The following ABCG2 variants were observed in gnomAD, a reference collection of about 807,000 sequenced individuals.
ABCG2 encodes broad substrate specificity ATP-binding cassette transporter ABCG2.
ABCG2 carries 80 observed loss-of-function variants against 73.5 expected under a neutral mutation model. The observed-to-expected ratio is 1.09, with a 90% CI of 0.91 to 1.31. The LOEUF (loss-of-function observed/expected upper bound fraction) is 1.31. ABCG2 is among the 50% of genes most tolerant of loss of function. ABCG2 has a pLI of 0.00. For missense variants in ABCG2, 796 were observed against 786.2 expected (o/e 1.01, Z -0.15); for synonymous variants, 269 against 282.4 (o/e 0.95, Z 0.48).
At chr4:88,166,240 T>C (rs1727513424) in intron 1 of ABCG2, among the ~76,000 whole-genome samples, 3 of 152,336 alleles carry the variant, frequency 2.0e-5, no homozygotes, top group East Asian at 3.9e-4. Context: ...AAGGAGACTT[T>C]ACTGCCAGGA....
rs778595878 is a variant in ABCG2 at position 88,131,060 on chromosome 4, C to T, written c.531+1G>A. 4 of 1,613,874 alleles carry T rather than the reference C, an allele frequency of 2.5e-6. No homozygotes were observed. The highest frequency in any genetic ancestry group is 3.4e-6 in the Non-Finnish European group (4 of 1,179,942). Reference sequence around the variant, plus strand: ...TGATGCTTTCAGTTTTTCCACATTACCTTGGAGTCTGCCACTTTATCCAGA... The same window carrying T: ...TGATGCTTTCAGTTTTTCCACATTATCTTGGAGTCTGCCACTTTATCCAGA... On this transcript the variant is annotated splice_donor_variant, in intron 5 of 15. Coordinates refer to ENST00000237612, the MANE Select transcript of ABCG2 (RefSeq NM_004827.3). LOFTEE classifies it high-confidence loss of function.
intron 1 of ABCG2, among the ~76,000 whole-genome samples, chr4:88,225,133 A>C (rs1224253474): frequency 6.6e-6 from 1 of 152,216 alleles, no homozygotes; most frequent in East Asian, 1.9e-4. Context: ...GCAAGTTCAA[A>C]GAGTTACAGC....
At chr4:88,230,312 T>TATATATATATATATATATAGA (rs57932850) in intron 1 of ABCG2, among the ~76,000 whole-genome samples, 1 of 116,432 alleles carries the variant, frequency 8.6e-6, no homozygotes, top group African/African-American at 3.6e-5. Context: ...TATATATTTT[T>TATATATATATATATATATAGA]TTTTTTGGCC....
intron 1 of ABCG2, among the ~76,000 whole-genome samples, chr4:88,221,785 A>G (rs550228163): frequency 2.6e-5 from 4 of 152,296 alleles, no homozygotes; most frequent in African/African-American, 7.2e-5. Flanking sequence ...GCAGCAAAGC[A>G]TTCAAGAGGA....
At chr4:88,094,466 C>T (rs973623155) in intron 15 of ABCG2, 111 bp downstream of exon 15, 7 of 869,410 alleles carry the variant, frequency 8.1e-6, no homozygotes, top group South Asian at 1.7e-5. Context: ...AACGTAGGCT[C>T]GGAAAAATTC....
chr4:88,168,648 A>G (rs1305761875), intron 1 of ABCG2, among the ~76,000 whole-genome samples: 1 of 152,220 alleles, frequency 6.6e-6, no homozygotes, highest in Non-Finnish European at 1.5e-5. Flanking sequence ...AGATTAAGCT[A>G]AAAGGTTAAA....
intron 1 of ABCG2, among the ~76,000 whole-genome samples, chr4:88,145,995 T>C (rs1725971261): frequency 6.6e-6 from 1 of 151,788 alleles, no homozygotes; most frequent in South Asian, 2.1e-4. Flanking sequence ...GAGAGGCAAG[T>C]GTGGAAGCAA....
chr4:88,104,237 G>A (rs1356323511), intron 10 of ABCG2, among the ~76,000 whole-genome samples: 3 of 152,136 alleles, frequency 2.0e-5, no homozygotes, highest in Non-Finnish European at 2.9e-5. Context: ...TCAGTTACAC[G>A]GGTTAGAGAA....
chr4:88,153,572 C>G (rs1726696550), intron 1 of ABCG2, among the ~76,000 whole-genome samples: 2 of 149,900 alleles, frequency 1.3e-5, no homozygotes, highest in Admixed American at 6.8e-5. Context: ...CACTGAATAC[C>G]AAGAGCCCGA....
chr4:88,140,015 C>A lies in ABCG2; in HGVS notation c.-19-1G>T, dbSNP rs4148151. On this transcript the variant is annotated splice_acceptor_variant, in intron 1 of 15. Transcript: ENST00000237612. LOFTEE classifies it low-confidence loss of function (5UTR_SPLICE). ...AGACATCTGGAGAGTTTTTATCTTT[C>A]TGCAGACAGAAAAGCAATAGTAAGT... is the stretch of plus-strand genomic sequence containing the variant. 3 of 1,610,074 alleles carry A rather than the reference C, an allele frequency of 1.9e-6. No homozygotes were observed. In the East Asian group the frequency reaches 6.7e-5, roughly 36 times the overall value.
intron 1 of ABCG2, among the ~76,000 whole-genome samples, chr4:88,147,650 T>A (rs190636080): frequency 4.6e-5 from 7 of 152,294 alleles, no homozygotes; most frequent in Admixed American, 3.3e-4. Flanking sequence ...ATTAAATCAA[T>A]GTGTCACACT....
chr4:88,107,002 A>C (rs1722812212), intron 10 of ABCG2, among the ~76,000 whole-genome samples, 182 bp downstream of exon 10: 1 of 152,220 alleles, frequency 6.6e-6, no homozygotes, highest in Admixed American at 6.5e-5. Context: ...AGATCGCGTC[A>C]CTGCACTCCA....
intron 11 of ABCG2, 67 bp downstream of exon 11, chr4:88,101,163 T>G: frequency 1.4e-6 from 2 of 1,385,600 alleles, no homozygotes; most frequent in Non-Finnish European, 2.0e-6. Flanking sequence ...CAACCCCAGA[T>G]GTAATCAGTC....
At chr4:88,190,074 G>A (rs1342099045) in intron 1 of ABCG2, among the ~76,000 whole-genome samples, 1 of 152,146 alleles carries the variant, frequency 6.6e-6, no homozygotes, top group Non-Finnish European at 1.5e-5. Context: ...GGTGATTTGA[G>A]GTAAATATGC....
Position 88,099,443 on chromosome 4 carries a change from T to A in ABCG2, c.1373A>T (p.Glu458Val). The change falls in exon 12 of 16, where the codon GAA becomes GTA. Residue 458 changes from glutamate (E) to valine (V), a missense_variant. Glu to Val is a moderately radical substitution (Grantham distance 121, BLOSUM62 -2). Transcript: ENST00000237612. ...FVVEKKLFIH[E>V]YISGYYRVSS... is the part of the protein sequence containing the mutation. Reference sequence around the variant, plus strand: ...CACTCTGTAGTATCCGCTGATGTATTCATGTCTATAGAACAAAAATACGTA... The same window carrying A: ...CACTCTGTAGTATCCGCTGATGTATACATGTCTATAGAACAAAAATACGTA... The A allele has an allele frequency of 6.2e-7, 1 of 1,602,086 alleles. No individual in the cohort carries two copies. Among genetic ancestry groups the A allele is most frequent in the Non-Finnish European group, 8.5e-7 (1 of 1,176,092 alleles).
At chr4:88,218,050 C>G (rs1478726600) in intron 1 of ABCG2, among the ~76,000 whole-genome samples, 2 of 151,896 alleles carry the variant, frequency 1.3e-5, no homozygotes, top group Admixed American at 6.6e-5. Context: ...ACTGGTCTCC[C>G]AGGTGTTTCT....
intron 1 of ABCG2, among the ~76,000 whole-genome samples, chr4:88,181,254 G>C (rs1168536244): frequency 6.6e-6 from 1 of 151,814 alleles, no homozygotes; most frequent in African/African-American, 2.4e-5. Flanking sequence ...ACAAAAACTA[G>C]ACGAGCATGG....
chr4:88,197,289 A>G (rs1252508410), intron 1 of ABCG2, among the ~76,000 whole-genome samples: 1 of 152,114 alleles, frequency 6.6e-6, no homozygotes, highest in East Asian at 1.9e-4. Context: ...GGAAGGGTAG[A>G]ATTATCAGAG....
chr4:88,095,896 C>G (rs1721952238), intron 13 of ABCG2, among the ~76,000 whole-genome samples: 1 of 152,126 alleles, frequency 6.6e-6, no homozygotes, highest in Non-Finnish European at 1.5e-5. Flanking sequence ...AGACTATGTA[C>G]TCAACTTTAT....
Sources: allele counts gnomAD v4.1 joint callset (sites outside exome capture counted in the v4.1 genomes callset), GRCh38; gene constraint gnomAD v4.1.1; transcripts MANE v1.5; gene names NCBI Gene and HGNC (gene_info 2026-07-23, HGNC 2026-07-21).